The following CDKAL1 variants were observed in gnomAD, a reference collection of about 807,000 sequenced individuals.
The protein encoded by CDKAL1 is threonylcarbamoyladenosine tRNA methylthiotransferase.
CDKAL1 carries 32 observed loss-of-function variants against 68.2 expected under a neutral mutation model. That is an observed-to-expected ratio of 0.47 (90% CI 0.35 to 0.63). The LOEUF (loss-of-function observed/expected upper bound fraction) is 0.63, where lower values mean the gene tolerates loss of function less well. Among genes scored for constraint, CDKAL1 ranks in the 30% least tolerant of loss-of-function variants. CDKAL1 has a pLI of 0.00. For synonymous variants in CDKAL1, 234 were observed against 244.3 expected, an observed-to-expected ratio of 0.96 and a Z score of 0.39; for missense variants, 606 against 696.7, an observed-to-expected ratio of 0.87 and a Z score of 1.47.
intron 5 of CDKAL1, among the ~76,000 whole-genome samples, chr6:20,652,927 T>C (rs1303895202): frequency 2.0e-5 from 3 of 152,266 alleles, no homozygotes; most frequent in Non-Finnish European, 4.4e-5. Context: ...TATTAGTTAA[T>C]GTATCATCTA....
chr6:20,783,207 G>GAA lies in CDKAL1; in HGVS notation c.638+1942_638+1943insAA, dbSNP rs1775509210. On this transcript the variant is annotated intron_variant, in intron 8 of 15. Transcript: ENST00000274695. ...GGCCTTCAAAAATGTTGGGATTACA[G>GAA]GCATGAGCCACTGCACCCAGCTGAA... Among the ~76,000 whole-genome samples, 3 of 151,250 alleles carry GAA rather than the reference G, an allele frequency of 2.0e-5. No homozygotes were observed. In the South Asian group the frequency reaches 6.4e-4, roughly 32 times the overall value.
intron 7 of CDKAL1, among the ~76,000 whole-genome samples, chr6:20,776,355 A>G (rs1292516863): frequency 6.6e-6 from 1 of 152,242 alleles, no homozygotes; most frequent in Non-Finnish European, 1.5e-5. Context: ...GGAATCCAAC[A>G]TGCCAAATGC....
chr6:20,951,574 G>A (rs930398596), intron 9 of CDKAL1, among the ~76,000 whole-genome samples: 27 of 152,186 alleles, frequency 1.8e-4, no homozygotes, highest in Admixed American at 8.5e-4. Flanking sequence ...GCTTGGGTAA[G>A]ATGATAATGG....
intron 10 of CDKAL1, among the ~76,000 whole-genome samples, chr6:20,987,109 C>T (rs1581969977): frequency 1.3e-5 from 2 of 152,094 alleles, no homozygotes; most frequent in East Asian, 1.9e-4. Flanking sequence ...CTCAAAAGGA[C>T]AAGAAGTTTA....
chr6:20,778,904 C>T (rs1289538613), intron 7 of CDKAL1, among the ~76,000 whole-genome samples: 1 of 152,134 alleles, frequency 6.6e-6, no homozygotes, highest in African/African-American at 2.4e-5. Context: ...CATCTAGAAA[C>T]ACCCTCACAG....
At chr6:21,180,344 CTTTTTTTTTTTTTTT>C (rs1777741879) in intron 13 of CDKAL1, among the ~76,000 whole-genome samples, 1 of 140,810 alleles carries the variant, frequency 7.1e-6, no homozygotes, top group African/African-American at 2.6e-5. Flanking sequence ...CTTTAAGTTT[CTTTTTTTTTTTTTTT>C]GACCTTTAAG....
intron 13 of CDKAL1, among the ~76,000 whole-genome samples, chr6:21,122,983 A>C (rs1201396237): frequency 2.0e-5 from 3 of 151,938 alleles, no homozygotes; most frequent in Non-Finnish European, 2.9e-5. Flanking sequence ...TAGGAAATAC[A>C]TTATGTGTTT....
chr6:21,022,098 T>C (rs545033445), intron 11 of CDKAL1, among the ~76,000 whole-genome samples: 1 of 152,346 alleles, frequency 6.6e-6, no homozygotes, highest in South Asian at 2.1e-4. Flanking sequence ...GGCAGAAGGC[T>C]GACCCACCAA....
At chr6:20,817,238 A>T (rs938753164) in intron 8 of CDKAL1, among the ~76,000 whole-genome samples, 1 of 152,124 alleles carries the variant, frequency 6.6e-6, no homozygotes. Context: ...GCTCCAGTGT[A>T]AAAAATAGGA....
chr6:21,230,495 G>A (rs1779922027), intron 15 of CDKAL1, among the ~76,000 whole-genome samples: 1 of 152,226 alleles, frequency 6.6e-6, no homozygotes, highest in Non-Finnish European at 1.5e-5. Context: ...CCATTGCTGA[G>A]AAGATATGGT....
intron 13 of CDKAL1, among the ~76,000 whole-genome samples, chr6:21,159,866 A>G (rs796837368): frequency 2.2e-4 from 34 of 152,236 alleles, no homozygotes; most frequent in African/African-American, 7.7e-4. Flanking sequence ...GTTCCACCCA[A>G]CCCAGATTGG....
intron 5 of CDKAL1, among the ~76,000 whole-genome samples, chr6:20,737,662 A>G (rs116829432): frequency 0.018 from 2,769 of 152,284 alleles, 64 homozygotes; most frequent in African/African-American, 0.061. Flanking sequence ...TTTATATGCA[A>G]TGATGTGCTT....
chr6:20,666,368 A>C (rs1186126184), intron 5 of CDKAL1, among the ~76,000 whole-genome samples: 1 of 151,900 alleles, frequency 6.6e-6, no homozygotes, highest in Non-Finnish European at 1.5e-5. Flanking sequence ...GAATTGCTAT[A>C]ATCTTCTGTG....
chr6:20,881,761 T>C (rs1273013919), intron 9 of CDKAL1, among the ~76,000 whole-genome samples: 1 of 152,208 alleles, frequency 6.6e-6, no homozygotes, highest in Non-Finnish European at 1.5e-5. Flanking sequence ...ATGTCTATAC[T>C]CTTTGTTTTT....
At chr6:20,610,805 C>T (rs532152610) in intron 4 of CDKAL1, among the ~76,000 whole-genome samples, 1 of 152,244 alleles carries the variant, frequency 6.6e-6, no homozygotes, top group Admixed American at 6.5e-5. Context: ...GTGGTAAATT[C>T]TCTGTGCTCT....
rs112818471 is a variant in CDKAL1 at position 20,617,501 on chromosome 6, T to C, written c.287-31792T>C. ...GTTACATAGATATACATGTGCCATG[T>C]TGGTGTGCTGCACCTGTTAACTGGT... is the stretch of plus-strand genomic sequence containing the variant. On this transcript the variant is annotated intron_variant, in intron 4 of 15. Transcript: ENST00000274695. Among the ~76,000 whole-genome samples, 739 of 152,332 alleles carry C rather than the reference T, an allele frequency of 4.9e-3. 5 individuals are homozygous for C. The highest frequency in any genetic ancestry group is 0.016 in the African/African-American group (683 of 41,582).
intron 13 of CDKAL1, among the ~76,000 whole-genome samples, chr6:21,188,056 T>C (rs1778084464): frequency 6.6e-6 from 1 of 152,254 alleles, no homozygotes; most frequent in South Asian, 2.1e-4. Flanking sequence ...GAATTGCTTT[T>C]TTAGCAGTTT....
rs900667754 is a variant in CDKAL1 at position 21,231,490 on chromosome 6, G to T, written c.*451G>T. The T allele has an allele frequency of 1.3e-5, 2 of 152,216 alleles. No homozygotes were observed. The highest frequency in any genetic ancestry group is 2.4e-5 in the African/African-American group (1 of 41,334). The allele number at this position is 152,216 out of a possible 1,614,324, so 9.4% of individuals were successfully genotyped here. A position where few individuals can be genotyped will look rare whatever the true frequency, so the allele number is the denominator to read the frequency against. On this transcript the variant is annotated 3_prime_UTR_variant, in exon 16 of 16. Transcript: ENST00000274695. ...CCAGGCTGGAGTGGTGCAGTGGCACGATCTCAGGTCACTGCAACCTCTGCC... is the reference window on the plus strand; with the variant it reads ...CCAGGCTGGAGTGGTGCAGTGGCACTATCTCAGGTCACTGCAACCTCTGCC...
At chr6:20,544,007 G>A (rs1359317890) in intron 2 of CDKAL1, among the ~76,000 whole-genome samples, 2 of 151,838 alleles carry the variant, frequency 1.3e-5, no homozygotes, top group African/African-American at 4.8e-5. Context: ...CAGAGTGCTG[G>A]GATTATAGGT....
Sources: allele counts gnomAD v4.1 joint callset (sites outside exome capture counted in the v4.1 genomes callset), GRCh38; gene constraint gnomAD v4.1.1; transcripts MANE v1.5; gene names NCBI Gene and HGNC (gene_info 2026-07-23, HGNC 2026-07-21).